Variants in TXNDC11 observed in about 807,000 individuals in gnomAD.
TXNDC11 encodes the protein thioredoxin domain containing 11, also known as thioredoxin domain-containing protein 11.
A neutral mutation model predicts 78.0 loss-of-function variants in TXNDC11; 68 were observed. The observed-to-expected ratio is 0.87, with a 90% CI of 0.72 to 1.07. The LOEUF (loss-of-function observed/expected upper bound fraction) is 1.07, where lower values mean the gene tolerates loss of function less well. Ranked by LOEUF, TXNDC11 falls within the 50% of genes least tolerant of loss-of-function variation. The pLI is 0.00. For synonymous variants in TXNDC11, 571 were observed against 495.2 expected, an observed-to-expected ratio of 1.15 and a Z score of -2.03; for missense variants, 1,389 against 1,221.8, an observed-to-expected ratio of 1.14 and a Z score of -2.04.
intron 5 of TXNDC11, among the ~76,000 whole-genome samples, chr16:11,704,282 T>C (rs2051114939): frequency 1.3e-5 from 2 of 152,134 alleles, no homozygotes; most frequent in Admixed American, 6.5e-5. Flanking sequence ...AACAGTCAGC[T>C]CTTCTTTAAG....
At chr16:11,737,595 G>C (rs2052263121) in intron 1 of TXNDC11, among the ~76,000 whole-genome samples, 1 of 151,486 alleles carries the variant, frequency 6.6e-6, no homozygotes, top group South Asian at 2.1e-4. Flanking sequence ...CGGGCGCGGT[G>C]GCTCATGCCT....
intron 5 of TXNDC11, among the ~76,000 whole-genome samples, chr16:11,701,956 T>C (rs973703071): frequency 1.3e-5 from 2 of 150,004 alleles, no homozygotes; most frequent in East Asian, 2.0e-4. Flanking sequence ...CTGCAAATGT[T>C]AAAAACAATG....
intron 4 of TXNDC11, among the ~76,000 whole-genome samples, chr16:11,725,810 T>G (rs566089633): frequency 6.6e-6 from 1 of 152,372 alleles, no homozygotes; most frequent in East Asian, 1.9e-4. Flanking sequence ...TTAATGGCTT[T>G]CTGTGATGTT....
In TXNDC11 at chr16:11,691,800, T is replaced by C. The variant is rs772599895; in HGVS notation, c.1390A>G (p.Ser464Gly). 7 of 1,614,268 alleles carry C rather than the reference T, an allele frequency of 4.3e-6. No homozygotes were observed. In the East Asian group the frequency reaches 1.6e-4, roughly 36 times the overall value. Residue 464 changes from serine to glycine, a missense_variant, in exon 8 of 12, where the codon AGC (serine) becomes GGC (glycine). By Grantham distance (56) the Ser-to-Gly change is moderately conservative. Coordinates refer to ENST00000283033, the MANE Select transcript of TXNDC11 (RefSeq NM_015914.7). ...KPSSVSVPQCSFFEMAAALDS... is the reference protein window; with the variant it reads ...KPSSVSVPQCGFFEMAAALDS... ...AGAGCTGCTGCCATTTCAAAAAAGC[T>C]GCACTGTGGCACGCTGACCGAGCTC...
intron 6 of TXNDC11, 100 bp downstream of exon 6, chr16:11,700,350 TAG>T (rs1287296615): frequency 3.6e-6 from 2 of 557,372 alleles, no homozygotes; most frequent in Non-Finnish European, 6.4e-6. Context: ...TGCGCTTTTC[TAG>T]AGAGTGTCCA....
intron 5 of TXNDC11, among the ~76,000 whole-genome samples, chr16:11,707,806 G>T (rs1397080955): frequency 6.6e-6 from 1 of 151,878 alleles, no homozygotes; most frequent in African/African-American, 2.4e-5. Flanking sequence ...ATTAGGCTGG[G>T]TATGGTAGCT....
chr16:11,684,330 C>A (rs937820856), intron 10 of TXNDC11, 85 bp from the exon 11 acceptor site: 2 of 1,023,028 alleles, frequency 2.0e-6, no homozygotes. Flanking sequence ...ACTTCAAGAA[C>A]CTGGTGCATT....
At chr16:11,705,041 T>C (rs1052172392) in intron 5 of TXNDC11, among the ~76,000 whole-genome samples, 1 of 152,060 alleles carries the variant, frequency 6.6e-6, no homozygotes, top group African/African-American at 2.4e-5. Context: ...ATTATAGGCA[T>C]GCACCCCCAT....
chr16:11,714,484 C>G (rs995394306), intron 5 of TXNDC11, among the ~76,000 whole-genome samples: 9 of 152,118 alleles, frequency 5.9e-5, no homozygotes, highest in African/African-American at 7.2e-5. Context: ...CTAAAAAATA[C>G]AAAACATTAG....
chr16:11,741,923 C>G (rs1325125981), intron 1 of TXNDC11: 4 of 152,528 alleles, frequency 2.6e-5, no homozygotes, highest in Non-Finnish European at 5.9e-5. Flanking sequence ...ATCCGAGCTA[C>G]TCAGGAGCTG....
At chr16:11,702,388 C>A (rs1267536694) in intron 5 of TXNDC11, among the ~76,000 whole-genome samples, 6 of 152,288 alleles carry the variant, frequency 3.9e-5, no homozygotes, top group African/African-American at 1.4e-4. Context: ...AAACTACAGG[C>A]CAGGCGCAGG....
intron 4 of TXNDC11, among the ~76,000 whole-genome samples, chr16:11,724,611 T>A (rs908584050): frequency 2.0e-5 from 3 of 152,180 alleles, no homozygotes; most frequent in Admixed American, 6.5e-5. Context: ...AAAATAAAAA[T>A]AAAAATGACA....
At chr16:11,681,933 A>G (rs2050435791) in intron 11 of TXNDC11, among the ~76,000 whole-genome samples, 1 of 152,178 alleles carries the variant, frequency 6.6e-6, no homozygotes, top group Non-Finnish European at 1.5e-5. Context: ...GGATGTAAAA[A>G]CATACAAGCA....
At chr16:11,687,787 T>C in intron 10 of TXNDC11, 70 bp downstream of exon 10, 1 of 1,072,526 alleles carries the variant, frequency 9.3e-7, no homozygotes. Context: ...TCACACACCA[T>C]ATGGCTAAGC....
chr16:11,734,078 ACCTG>A lies in TXNDC11; in HGVS notation c.472-3_472del. 6.3e-7 allele frequency: 1 copy of A among 1,592,578 alleles called. No homozygotes were observed. The highest frequency in any genetic ancestry group is 1.9e-5 in the Admixed American group (1 of 53,228). On this transcript the variant is annotated splice_acceptor_variant and splice_polypyrimidine_tract_variant and coding_sequence_variant and intron_variant, in exon 3 of 12. Transcript: ENST00000283033. LOFTEE classifies it high-confidence loss of function. ...CCAACAGTTAATTGCCACAAACAAC[ACCTG>A]CAGAGCCAAAAAAGGTTTTCAAATG... is the stretch of plus-strand genomic sequence containing the variant.
intron 7 of TXNDC11, chr16:11,692,372 G>A: frequency 3.0e-6 from 1 of 330,062 alleles, no homozygotes; most frequent in East Asian, 5.3e-5. Flanking sequence ...GCAGTTATCA[G>A]ATCAACTGTC....
chr16:11,691,930 C>A lies in TXNDC11; in HGVS notation c.1260G>T (p.Ala420=), dbSNP rs199847533. 4 of 1,612,502 alleles carry A rather than the reference C, an allele frequency of 2.5e-6. No individual in the cohort carries two copies. The African/African-American group carries it at 5.3e-5, about 22-fold the overall frequency. ...AQLPDPPTIT[A]SPCCNTVVLP... is the part of the protein sequence containing the mutation. Reference sequence around the variant, plus strand: ...GCACCACAGTGTTGCAGCAGGGGGACGCTGTGATCGTTGGCGGGTCTGGCA... The same window carrying A: ...GCACCACAGTGTTGCAGCAGGGGGAAGCTGTGATCGTTGGCGGGTCTGGCA... The change falls in exon 8 of 12, where the codon GCG becomes GCT. Residue 420 remains alanine, a synonymous_variant. Coordinates refer to ENST00000283033, the MANE Select transcript of TXNDC11 (RefSeq NM_015914.7).
intron 1 of TXNDC11, 42 bp downstream of exon 1, chr16:11,742,435 G>C: frequency 1.0e-5 from 14 of 1,356,956 alleles, no homozygotes; most frequent in Non-Finnish European, 1.3e-5. Context: ...GGCAGAGCAA[G>C]GGGAGCGCCC....
intron 4 of TXNDC11, 108 bp downstream of exon 4, chr16:11,730,537 C>G: frequency 8.5e-7 from 1 of 1,177,378 alleles, no homozygotes; most frequent in Non-Finnish European, 1.2e-6. Flanking sequence ...TGACCTTTTA[C>G]TTGCTGCAAT....
Sources: gnomAD v4.1 joint callset for allele counts (sites outside exome capture counted in the v4.1 genomes callset) on GRCh38, gnomAD v4.1.1 for gene constraint, MANE v1.5 for transcripts, NCBI Gene and HGNC (gene_info 2026-07-23, HGNC 2026-07-21) for gene names.